The following WDR7 variants were observed in gnomAD, a reference collection of about 807,000 sequenced individuals.
The protein encoded by WDR7 is WD repeat-containing protein 7.
WDR7 carries 46 observed loss-of-function variants against 169.4 expected under a neutral mutation model. The observed-to-expected ratio is 0.27, with a 90% CI of 0.21 to 0.35. WDR7 has a LOEUF of 0.35. WDR7 is among the 10% of genes least tolerant of loss of function. WDR7 has a pLI of 1.00. For synonymous variants in WDR7, 612 were observed against 666.8 expected (o/e 0.92, Z 1.27); for missense variants, 1,534 against 1,859.3 (o/e 0.83, Z 3.22).
chr18:57,034,617 A>G (rs551999798), downstream of WDR7: 2 of 152,344 alleles, frequency 1.3e-5, no homozygotes, highest in East Asian at 3.9e-4. Context: ...TGATGCTTGT[A>G]TGGCGTGCTG....
intron 26 of WDR7, among the ~76,000 whole-genome samples, chr18:56,966,700 A>C (rs1405057218): frequency 5.3e-5 from 8 of 152,148 alleles, no homozygotes; most frequent in Non-Finnish European, 2.9e-5. Context: ...ATTCTTCAAG[A>C]GTCAACTGTA....
intron 21 of WDR7, among the ~76,000 whole-genome samples, chr18:56,889,766 C>G (rs1568250678): frequency 6.6e-6 from 1 of 152,156 alleles, no homozygotes; most frequent in Admixed American, 6.5e-5. Flanking sequence ...GGGATGCCAG[C>G]AAGTACCAGG....
At chr18:56,936,257 A>T (rs2145689837) in intron 23 of WDR7, 1 of 184,100 alleles carries the variant, frequency 5.4e-6, no homozygotes, top group African/African-American at 2.3e-5. Flanking sequence ...ATCAAAACTA[A>T]ACTTCTTATT....
At chr18:56,982,439 G>T (rs2047660066) in intron 26 of WDR7, among the ~76,000 whole-genome samples, 1 of 152,164 alleles carries the variant, frequency 6.6e-6, no homozygotes, top group Non-Finnish European at 1.5e-5. Context: ...TTGGTGAGGG[G>T]TGTAGATTCA....
At position 56,873,189 on chromosome 18, in the gene WDR7, C is replaced by T. The variant is rs1050237982; in HGVS notation, c.3305-6755C>T. Among the ~76,000 whole-genome samples, 10 of 152,208 alleles carry T rather than the reference C, an allele frequency of 6.6e-5. No homozygotes were observed. The East Asian group carries it at 1.9e-3, about 29-fold the overall frequency. On this transcript the variant is annotated intron_variant, in intron 20 of 27. Transcript: ENST00000254442. ...TAGATTTGAATACTGATAAAAATTA[C>T]ATACTGTAGAATTTCAGCATCAGTA...
intron 1 of WDR7, among the ~76,000 whole-genome samples, chr18:56,668,762 C>T (rs748903688): frequency 6.6e-6 from 1 of 152,138 alleles, no homozygotes; most frequent in Non-Finnish European, 1.5e-5. Flanking sequence ...CAAGCATACA[C>T]AGTAATACTT....
At chr18:56,989,923 T>C (rs2047785592) in intron 26 of WDR7, among the ~76,000 whole-genome samples, 1 of 152,226 alleles carries the variant, frequency 6.6e-6, no homozygotes, top group Admixed American at 6.5e-5. Context: ...AAAATATTTA[T>C]CAAACCCAAG....
intron 13 of WDR7, among the ~76,000 whole-genome samples, chr18:56,725,993 T>C (rs1439617621): frequency 2.0e-5 from 3 of 152,212 alleles, no homozygotes; most frequent in African/African-American, 7.2e-5. Context: ...CTGAGGGCTC[T>C]GTTCTGTTCC....
downstream of WDR7, chr18:57,033,684 CTCCCA>C (rs1599262621): frequency 6.6e-6 from 1 of 151,872 alleles, no homozygotes; most frequent in Non-Finnish European, 1.5e-5. Context: ...TGCCCAGGTC[CTCCCA>C]CCCCCACCCA....
In WDR7 at chr18:56,834,849, C is replaced by T. The variant is rs1017215078; in HGVS notation, c.3304+18705C>T. Among the ~76,000 whole-genome samples, 28 of 152,112 alleles carry T rather than the reference C, an allele frequency of 1.8e-4. 1 individual carries two copies. Among genetic ancestry groups the T allele is most frequent in the Non-Finnish European group, 1.0e-4 (7 of 68,018 alleles). ...CTTGATATTTGTTCTTTCTGCTTTC[C>T]GTCTTATTGGTTTGAGCCCATCATC... On this transcript the variant is annotated intron_variant, in intron 20 of 27. Coordinates refer to ENST00000254442, the MANE Select transcript of WDR7 (RefSeq NM_015285.3).
intron 14 of WDR7, among the ~76,000 whole-genome samples, chr18:56,739,876 A>ATTTTT (rs58692081): frequency 2.2e-5 from 3 of 138,076 alleles, no homozygotes; most frequent in South Asian, 2.3e-4. Context: ...CCTAGATGTG[A>ATTTTT]TTTTTTTTTT....
intron 21 of WDR7, among the ~76,000 whole-genome samples, chr18:56,907,292 ATGTTAAGCAT>A (rs1333126820): frequency 3.4e-5 from 5 of 146,472 alleles, no homozygotes; most frequent in Non-Finnish European, 6.0e-5. Context: ...GCCAGAGAGT[ATGTTAAGCAT>A]TGGGGTATGG....
intron 26 of WDR7, among the ~76,000 whole-genome samples, chr18:56,988,576 CCT>C (rs2047759541): frequency 6.9e-6 from 1 of 145,082 alleles, no homozygotes; most frequent in South Asian, 2.3e-4. Context: ...AGAAGAAAGA[CCT>C]CATGGAAGGC....
rs2025398635 is a variant in WDR7, at chr18:56,683,987, T to C, written c.520+1134T>C. Among the ~76,000 whole-genome samples, 4 of 151,956 alleles carry C rather than the reference T, an allele frequency of 2.6e-5. No homozygotes were observed. In the South Asian group the frequency reaches 8.3e-4, roughly 32 times the overall value. ...ACAAATAACAGTTTAGAGTGCAAAG[T>C]GTGCAAGATGGAAAAATAGTATGGA... On this transcript the variant is annotated intron_variant, in intron 5 of 27. Coordinates refer to ENST00000254442, the MANE Select transcript of WDR7 (RefSeq NM_015285.3).
intron 14 of WDR7, among the ~76,000 whole-genome samples, chr18:56,752,391 C>T (rs778855625): frequency 2.6e-5 from 4 of 152,164 alleles, no homozygotes; most frequent in Non-Finnish European, 4.4e-5. Context: ...CCCGGTCACC[C>T]GAGATGGAGC....
At chr18:56,842,479 T>G (rs1051251557) in intron 20 of WDR7, among the ~76,000 whole-genome samples, 1 of 152,154 alleles carries the variant, frequency 6.6e-6, no homozygotes, top group Non-Finnish European at 1.5e-5. Flanking sequence ...TAAGTACATT[T>G]CAAACAATAG....
At chr18:56,940,897 A>G (rs2047027786) in intron 25 of WDR7, among the ~76,000 whole-genome samples, 1 of 152,016 alleles carries the variant, frequency 6.6e-6, no homozygotes, top group Non-Finnish European at 1.5e-5. Flanking sequence ...AATCCCTAAA[A>G]CCACCTTAGT....
chr18:56,943,997 T>TG (rs1187657102), intron 25 of WDR7, among the ~76,000 whole-genome samples: 127 of 138,464 alleles, frequency 9.2e-4, no homozygotes, highest in African/African-American at 3.4e-3. Context: ...TTTTTTTTTT[T>TG]TTTTTTTTTT....
chr18:56,954,034 T>G (rs2047217359), intron 25 of WDR7, among the ~76,000 whole-genome samples: 1 of 152,208 alleles, frequency 6.6e-6, no homozygotes, highest in African/African-American at 2.4e-5. Context: ...CTCAACTACT[T>G]TGGCTTTCCA....
Sources: allele counts gnomAD v4.1 joint callset (sites outside exome capture counted in the v4.1 genomes callset), GRCh38; gene constraint gnomAD v4.1.1; transcripts MANE v1.5; gene names NCBI Gene and HGNC (gene_info 2026-07-23, HGNC 2026-07-21).